SGK1: variants seen among roughly 807,000 people sequenced by gnomAD.
SGK1 encodes the protein serine/threonine-protein kinase Sgk1.
In SGK1, 26 loss-of-function variants were observed where a neutral mutation model predicts 64.2. The ratio of observed to expected loss-of-function variants is 0.40; its 90% confidence interval spans 0.30 to 0.56. The LOEUF (loss-of-function observed/expected upper bound fraction) is 0.56, where lower values mean the gene tolerates loss of function less well. Ranked by LOEUF, SGK1 falls within the 20% of genes least tolerant of loss-of-function variation. The pLI, the probability that SGK1 is intolerant of heterozygous loss-of-function variation, is 0.38. For synonymous variants in SGK1, 265 were observed against 239.7 expected (o/e 1.11, Z -0.98); for missense variants, 519 against 645.6 (o/e 0.80, Z 2.12).
chr6:134,218,078 T>G (rs1351246437), intron 2 of SGK1, among the ~76,000 whole-genome samples: 1 of 152,194 alleles, frequency 6.6e-6, no homozygotes, highest in Non-Finnish European at 1.5e-5. Context: ...TCTACACAAC[T>G]AGTAGAGTTC....
chr6:134,269,851 A>C (rs1776913130), intron 1 of SGK1, among the ~76,000 whole-genome samples: 1 of 147,940 alleles, frequency 6.8e-6, no homozygotes, highest in Admixed American at 6.9e-5. Context: ...ACAGTGCTGT[A>C]ATATTCAGTA....
intron 3 of SGK1, among the ~76,000 whole-genome samples, chr6:134,191,457 A>T (rs1237701665): frequency 2.6e-5 from 4 of 152,140 alleles, no homozygotes; most frequent in Non-Finnish European, 5.9e-5. Context: ...GCTGTGATCA[A>T]ATATCCTCAT....
chr6:134,176,549 C>T (rs938036060), intron 3 of SGK1, among the ~76,000 whole-genome samples: 2 of 152,138 alleles, frequency 1.3e-5, no homozygotes, highest in African/African-American at 4.8e-5. Flanking sequence ...CGACTGGGCC[C>T]GGAGCGGGCA....
Position 134,278,041 on chromosome 6 carries a change from AATG to A in SGK1, c.70-15896_70-15894del, listed in dbSNP as rs774830267. The stretch of plus-strand genomic sequence containing the variant: ...TGAACTTGAAGGCGCTTATCCGTAA[AATG>A]ATGATCTTGGAGCATCCAAGAAGTC... On this transcript the variant is annotated intron_variant, in intron 1 of 13. Coordinates refer to ENST00000367858, the MANE Select transcript of SGK1 (RefSeq NM_001143676.3). Among the ~76,000 whole-genome samples, 33 of 152,358 alleles carry A rather than the reference AATG, an allele frequency of 2.2e-4. 1 individual carries two copies. Among genetic ancestry groups the A allele is most frequent in the East Asian group, 1.2e-3 (6 of 5,184 alleles).
In SGK1 at chr6:134,289,243, G is replaced by A. The variant is rs140177911; in HGVS notation, c.70-27095C>T. The stretch of plus-strand genomic sequence containing the variant: ...CTGTGGAGTTCGGCTGCACATTTCA[G>A]GTGGAAAGGAGGTAGTGTACTAAAA... On this transcript the variant is annotated intron_variant, in intron 1 of 13. Transcript: ENST00000367858. Among the ~76,000 whole-genome samples, 421 of 152,298 alleles carry A rather than the reference G, an allele frequency of 2.8e-3. 3 individuals are homozygous for A. The highest frequency in any genetic ancestry group is 5.1e-3 in the Non-Finnish European group (350 of 68,020).
At chr6:134,210,293 A>C (rs1775867849) in intron 2 of SGK1, among the ~76,000 whole-genome samples, 1 of 152,232 alleles carries the variant, frequency 6.6e-6, no homozygotes, top group Admixed American at 6.5e-5. Context: ...AAGTGAAATT[A>C]GCCAGTCACA....
chr6:134,305,569 T>C (rs1238923570), intron 1 of SGK1, among the ~76,000 whole-genome samples: 2 of 113,908 alleles, frequency 1.8e-5, no homozygotes, highest in Admixed American at 2.1e-4. Flanking sequence ...CGAGACCCTG[T>C]CTCAAAAAAA....
intron 2 of SGK1, among the ~76,000 whole-genome samples, chr6:134,253,769 A>G (rs1776640558): frequency 6.6e-6 from 1 of 152,172 alleles, no homozygotes; most frequent in Admixed American, 6.5e-5. Context: ...AATTATGTCA[A>G]CAACTCAGTG....
intron 3 of SGK1, among the ~76,000 whole-genome samples, chr6:134,198,955 G>T (rs1321853063): frequency 4.6e-5 from 7 of 152,004 alleles, no homozygotes; most frequent in African/African-American, 1.7e-4. Context: ...GCATGATCAT[G>T]GCTCACCGCA....
intron 2 of SGK1, among the ~76,000 whole-genome samples, chr6:134,221,634 G>A (rs895693809): frequency 3.3e-5 from 5 of 151,772 alleles, no homozygotes; most frequent in African/African-American, 1.2e-4. Flanking sequence ...AGTCCTAAAC[G>A]GGTGCTTGGC....
intron 1 of SGK1, among the ~76,000 whole-genome samples, chr6:134,294,830 T>G (rs1212911598): frequency 3.9e-5 from 6 of 152,188 alleles, no homozygotes; most frequent in Admixed American, 3.9e-4. Flanking sequence ...GCCCAGCCAG[T>G]GAATCTTTAT....
Position 134,173,563 on chromosome 6 carries a change from T to C in SGK1, c.517A>G (p.Ser173Gly). The C allele has an allele frequency of 6.3e-7, 1 of 1,586,576 alleles. No individual in the cohort carries two copies. Among genetic ancestry groups the C allele is most frequent in the Non-Finnish European group, 8.6e-7 (1 of 1,169,542 alleles). ...LMNANPSPPPSPSQQINLGPS... is the reference protein window; with the variant it reads ...LMNANPSPPPGPSQQINLGPS... The stretch of plus-strand genomic sequence containing the variant: ...CCAAGGTTGATTTGCTGAGAAGGAC[T>C]TGGCTAGAAAAAAAAAAAAAGAATT... The change falls in exon 6 of 14, where the codon AGT becomes GGT. Residue 173 changes from serine to glycine, a missense_variant. Physicochemically the swap from Ser to Gly is moderately conservative, Grantham distance 56 (BLOSUM62 0). Coordinates refer to ENST00000367858, the MANE Select transcript of SGK1 (RefSeq NM_001143676.3).
At chr6:134,171,763 G>C (rs527241900) in intron 10 of SGK1, 31 bp from the exon 11 acceptor site, 46 of 1,472,376 alleles carry the variant, frequency 3.1e-5, no homozygotes, top group Non-Finnish European at 4.0e-5. Flanking sequence ...ACAGCGTTTA[G>C]AACCTGCGAA....
At chr6:134,230,466 A>T (rs2114712415) in intron 2 of SGK1, 1 of 152,346 alleles carries the variant, frequency 6.6e-6, no homozygotes, top group African/African-American at 2.4e-5. Flanking sequence ...GGGAAGCAAG[A>T]TGCCTTCCTC....
At chr6:134,211,604 TCTTCCTTGAATAGATTACCAAAATCATC>T (rs1775890854) in intron 2 of SGK1, 1 of 152,154 alleles carries the variant, frequency 6.6e-6, no homozygotes, top group Non-Finnish European at 1.5e-5. Flanking sequence ...GGCTAAGTGA[TCTTCCTTGAATAGATTACCAAAATCATC>T]CACCCAGTGA....
At chr6:134,266,221 G>A (rs1027793557) in intron 1 of SGK1, among the ~76,000 whole-genome samples, 5 of 151,794 alleles carry the variant, frequency 3.3e-5, no homozygotes, top group African/African-American at 1.2e-4. Flanking sequence ...CTGATCTCGG[G>A]TGATCCACCC....
intron 2 of SGK1, among the ~76,000 whole-genome samples, chr6:134,241,299 T>C (rs1776443477): frequency 6.6e-6 from 1 of 152,144 alleles, no homozygotes; most frequent in African/African-American, 2.4e-5. Flanking sequence ...ATCTGCTGCC[T>C]TGGCCTCCCA....
intron 1 of SGK1, among the ~76,000 whole-genome samples, chr6:134,262,769 GGC>G (rs1360941632): frequency 6.6e-6 from 1 of 151,970 alleles, no homozygotes; most frequent in Non-Finnish European, 1.5e-5. Context: ...ACCCTGGCCA[GGC>G]GAGATGGTTT....
intron 1 of SGK1, among the ~76,000 whole-genome samples, chr6:134,315,746 A>G (rs1274291751): frequency 6.6e-6 from 1 of 152,160 alleles, no homozygotes; most frequent in Non-Finnish European, 1.5e-5. Flanking sequence ...TTTGTTTATT[A>G]TTGAAAATTA....
Sources: gnomAD v4.1 joint callset for allele counts (sites outside exome capture counted in the v4.1 genomes callset) on GRCh38, gnomAD v4.1.1 for gene constraint, MANE v1.5 for transcripts, NCBI Gene and HGNC (gene_info 2026-07-23, HGNC 2026-07-21) for gene names.